Variants in AGPAT5 observed in about 807,000 individuals in gnomAD.
The protein encoded by AGPAT5 is 1-acyl-sn-glycerol-3-phosphate acyltransferase epsilon.
In AGPAT5, 46 loss-of-function variants were observed where a neutral mutation model predicts 45.6. The observed-to-expected ratio is 1.01, with a 90% CI of 0.80 to 1.29. The LOEUF (loss-of-function observed/expected upper bound fraction) is 1.29. Among genes scored for constraint, AGPAT5 ranks in the 50% most tolerant of loss-of-function variants. The probability of loss-of-function intolerance (pLI) is 0.00; values close to 1 mark genes in which losing one functional copy is unlikely to be tolerated. For missense variants in AGPAT5, 673 were observed against 450.7 expected (o/e 1.49, Z -4.47); for synonymous variants, 272 against 167.0 (o/e 1.63, Z -4.85).
intron 1 of AGPAT5, chr8:6,709,688 GA>G (rs1800080578): frequency 6.6e-6 from 1 of 152,116 alleles, no homozygotes; most frequent in African/African-American, 2.4e-5. Context: ...GTGGCATGGG[GA>G]AATGGGACGG....
chr8:6,743,299 T>C (rs745922368), intron 5 of AGPAT5, among the ~76,000 whole-genome samples: 7 of 152,236 alleles, frequency 4.6e-5, no homozygotes, highest in Non-Finnish European at 7.3e-5. Context: ...CCTTGACTGC[T>C]GATGACTCGC....
intron 5 of AGPAT5, among the ~76,000 whole-genome samples, chr8:6,742,208 T>G (rs1054597151): frequency 2.6e-5 from 4 of 152,186 alleles, no homozygotes; most frequent in African/African-American, 9.6e-5. Flanking sequence ...AACATATGCC[T>G]TATAAGTAGA....
At chr8:6,733,278 A>G (rs1309768298) in intron 4 of AGPAT5, among the ~76,000 whole-genome samples, 1 of 152,222 alleles carries the variant, frequency 6.6e-6, no homozygotes, top group East Asian at 1.9e-4. Flanking sequence ...ACATGTGCTC[A>G]GAAGCTTAGC....
intron 1 of AGPAT5, among the ~76,000 whole-genome samples, chr8:6,721,925 C>G (rs1800516858): frequency 6.6e-6 from 1 of 151,874 alleles, no homozygotes; most frequent in Non-Finnish European, 1.5e-5. Context: ...ACTCCTGAAG[C>G]CAAGCGATTC....
chr8:6,734,947 C>T (rs1328912526), intron 4 of AGPAT5, among the ~76,000 whole-genome samples: 1 of 152,090 alleles, frequency 6.6e-6, no homozygotes, highest in Non-Finnish European at 1.5e-5. Context: ...CACATAGCAC[C>T]TTGGAGTGGC....
chr8:6,744,094 A>G (rs796756499), intron 5 of AGPAT5, among the ~76,000 whole-genome samples: 53 of 152,230 alleles, frequency 3.5e-4, no homozygotes, highest in African/African-American at 1.3e-3. Context: ...AGCTAATAAT[A>G]TTTTATAATA....
In AGPAT5 at chr8:6,711,394, A is replaced by G. The variant is rs117674154; in HGVS notation, c.219+2507A>G. 9.3e-3 allele frequency among the ~76,000 whole-genome samples: 1,410 copies of G among 152,350 alleles called. 19 individuals carry two copies. Among genetic ancestry groups the G allele is most frequent in the Non-Finnish European group, 0.015 (1,046 of 68,034 alleles). ...GTCAGTGCTGCTAAAATTGTTCCTTATAACTCGTTTATCCTTTTAGGTCCT... is the reference window on the plus strand; with the variant it reads ...GTCAGTGCTGCTAAAATTGTTCCTTGTAACTCGTTTATCCTTTTAGGTCCT... On this transcript the variant is annotated intron_variant, in intron 1 of 7. Coordinates refer to ENST00000285518, the MANE Select transcript of AGPAT5 (RefSeq NM_018361.5).
At chr8:6,708,912 C>T (rs1353839173) in intron 1 of AGPAT5, 25 bp downstream of exon 1, 2 of 1,586,220 alleles carry the variant, frequency 1.3e-6, no homozygotes, top group Admixed American at 1.7e-5. Flanking sequence ...GCTCCCGGGT[C>T]TCGGCGTCCA....
chr8:6,710,090 A>G (rs1041519079), intron 1 of AGPAT5, among the ~76,000 whole-genome samples: 12 of 152,126 alleles, frequency 7.9e-5, no homozygotes, highest in Non-Finnish European at 1.5e-4. Flanking sequence ...CTGGCCTGGG[A>G]TGGGATATAA....
intron 7 of AGPAT5, among the ~76,000 whole-genome samples, chr8:6,756,594 C>T (rs1801843711): frequency 7.8e-6 from 1 of 128,682 alleles, no homozygotes; most frequent in South Asian, 2.5e-4. Context: ...AGCCTGGTAA[C>T]AGAGTGCCTT....
Position 6,755,135 on chromosome 8 carries a change from T to C in AGPAT5, c.830T>C (p.Met277Thr). 6.2e-7 allele frequency: 1 copy of C among 1,608,814 alleles called. No homozygotes were observed. Among genetic ancestry groups the C allele is most frequent in the Non-Finnish European group, 8.5e-7 (1 of 1,179,044 alleles). ...KKDVPEEQEH[M>T]RRWLHERFEI... ...GATGTCCCAGAAGAACAAGAACATA[T>C]GAGAAGATGGCTGCATGAACGTTTC... Residue 277 changes from methionine to threonine, a missense_variant, in exon 7 of 8, where the codon ATG (methionine) becomes ACG (threonine). Met to Thr is a moderately conservative substitution (Grantham distance 81, BLOSUM62 -1). Transcript: ENST00000285518.
chr8:6,730,272 T>C (rs1489965083), intron 2 of AGPAT5, among the ~76,000 whole-genome samples: 1 of 150,706 alleles, frequency 6.6e-6, no homozygotes, highest in Non-Finnish European at 1.5e-5. Context: ...ATTTTTTAAA[T>C]ATCTCAGATA....
At chr8:6,751,838 T>A (rs193112995) in intron 6 of AGPAT5, among the ~76,000 whole-genome samples, 20 of 152,334 alleles carry the variant, frequency 1.3e-4, no homozygotes, top group Middle Eastern at 3.4e-3. Flanking sequence ...ACCAGTATTT[T>A]CATATTACAA....
intron 2 of AGPAT5, among the ~76,000 whole-genome samples, chr8:6,725,558 G>A (rs1430982987): frequency 1.3e-5 from 2 of 152,148 alleles, no homozygotes; most frequent in Non-Finnish European, 2.9e-5. Flanking sequence ...TACATTGTCA[G>A]CAATATTTTT....
At chr8:6,709,146 T>A in intron 1 of AGPAT5, 1 of 558,096 alleles carries the variant, frequency 1.8e-6, no homozygotes, top group South Asian at 2.0e-5. Flanking sequence ...CGCCTGGGTC[T>A]GATGCTGCTT....
In AGPAT5 at chr8:6,757,576, A is replaced by G. The variant is rs758325300; in HGVS notation, c.*188A>G. The G allele has an allele frequency of 1.8e-6, 1 of 569,068 alleles. No individual in the cohort carries two copies. The highest frequency in any genetic ancestry group is 3.1e-6 in the Non-Finnish European group (1 of 323,016). 35.3% of individuals were successfully genotyped at this position (569,068 alleles called of 1,614,324 possible). ...CTTGGGCAAACATACCTGGTTGTAC[A>G]ACTTTAGCATCGGGGCTGCTGGAAG... On this transcript the variant is annotated 3_prime_UTR_variant, in exon 8 of 8. Coordinates refer to ENST00000285518, the MANE Select transcript of AGPAT5 (RefSeq NM_018361.5).
chr8:6,757,004 A>G (rs1391248574), intron 7 of AGPAT5, among the ~76,000 whole-genome samples, 159 bp from the exon 8 acceptor site: 10 of 152,258 alleles, frequency 6.6e-5, no homozygotes, highest in Admixed American at 5.9e-4. Context: ...AGAAGACTAG[A>G]AACTTCTATT....
chr8:6,711,625 C>CT (rs2116844298), intron 1 of AGPAT5, among the ~76,000 whole-genome samples: 1 of 152,312 alleles, frequency 6.6e-6, no homozygotes, highest in East Asian at 1.9e-4. Flanking sequence ...AACAGATCAC[C>CT]TCAAACTAAG....
At chr8:6,719,082 G>A (rs527394370) in intron 1 of AGPAT5, among the ~76,000 whole-genome samples, 4 of 152,312 alleles carry the variant, frequency 2.6e-5, no homozygotes, top group Admixed American at 2.0e-4. Flanking sequence ...TTTTTATTCA[G>A]CTTTGAAAAT....
Sources: gnomAD v4.1 joint callset for allele counts (sites outside exome capture counted in the v4.1 genomes callset) on GRCh38, gnomAD v4.1.1 for gene constraint, MANE v1.5 for transcripts, NCBI Gene and HGNC (gene_info 2026-07-23, HGNC 2026-07-21) for gene names.